Variants in GRIK1 observed in about 807,000 individuals in gnomAD.
GRIK1 encodes the protein glutamate receptor ionotropic, kainate 1.
Under a neutral mutation model 105.7 loss-of-function variants are expected in GRIK1, and 69 were observed. The observed-to-expected ratio is 0.65, with a 90% CI of 0.54 to 0.80. GRIK1 has a LOEUF of 0.80. Among genes scored for constraint, GRIK1 ranks in the 30% least tolerant of loss-of-function variants. The pLI is 0.00. For synonymous variants in GRIK1, 438 were observed against 431.3 expected (o/e 1.02, Z -0.19); for missense variants, 1,109 against 1,167.3 (o/e 0.95, Z 0.73).
chr21:29,596,151 G>A (rs1221230211), intron 9 of GRIK1: 1 of 359,830 alleles, frequency 2.8e-6, no homozygotes, highest in Non-Finnish European at 5.4e-6. Flanking sequence ...CAAATCTATT[G>A]TGATTTTTAT....
chr21:29,754,198 A>C (rs946350657), intron 1 of GRIK1, among the ~76,000 whole-genome samples: 2 of 152,232 alleles, frequency 1.3e-5, no homozygotes, highest in Admixed American at 6.5e-5. Flanking sequence ...AAATGCAGTT[A>C]GTGAACTTGG....
At chr21:29,560,727 G>A (rs1286885339) in intron 15 of GRIK1, among the ~76,000 whole-genome samples, 2 of 150,934 alleles carry the variant, frequency 1.3e-5, no homozygotes, top group Non-Finnish European at 2.9e-5. Context: ...TCAGCCTCCT[G>A]AGTAGCTGGG....
intron 1 of GRIK1, among the ~76,000 whole-genome samples, chr21:29,934,758 A>G (rs746804601): frequency 2.6e-5 from 4 of 152,208 alleles, no homozygotes; most frequent in African/African-American, 4.8e-5. Flanking sequence ...CACTATCTCA[A>G]TGAAAACCAG....
intron 1 of GRIK1, among the ~76,000 whole-genome samples, chr21:29,784,364 A>G (rs1030958076): frequency 1.2e-4 from 18 of 152,312 alleles, no homozygotes; most frequent in African/African-American, 4.3e-4. Context: ...TGGTTTTCTG[A>G]CAGATAATAA....
rs897364466 is a variant in GRIK1, at chr21:29,746,741, G to A, written c.119-52678C>T. 3.3e-5 allele frequency among the ~76,000 whole-genome samples: 5 copies of A among 152,182 alleles called. No homozygotes were observed. The East Asian group carries it at 5.8e-4, about 18-fold the overall frequency. Reference sequence around the variant, plus strand: ...GTTTAGAGAGGACATTAAAAGAGATGACACACAAATATAAACCAGAGAATT... The same window carrying A: ...GTTTAGAGAGGACATTAAAAGAGATAACACACAAATATAAACCAGAGAATT... On this transcript the variant is annotated intron_variant, in intron 1 of 17. Transcript: ENST00000327783.
chr21:29,716,351 A>G (rs763752701), intron 1 of GRIK1, among the ~76,000 whole-genome samples: 7 of 152,214 alleles, frequency 4.6e-5, no homozygotes, highest in Non-Finnish European at 7.3e-5. Flanking sequence ...TAACAGGCAG[A>G]GAATGGAACA....
At chr21:29,883,679 G>A (rs182259623) in intron 1 of GRIK1, among the ~76,000 whole-genome samples, 1 of 152,156 alleles carries the variant, frequency 6.6e-6, no homozygotes, top group African/African-American at 2.4e-5. Flanking sequence ...CTATAATCCT[G>A]TGACATTCTG....
At chr21:29,744,402 G>A (rs2065001684) in intron 1 of GRIK1, among the ~76,000 whole-genome samples, 1 of 152,174 alleles carries the variant, frequency 6.6e-6, no homozygotes, top group African/African-American at 2.4e-5. Context: ...TGTACCATGT[G>A]TCCTTGTGGT....
intron 1 of GRIK1, among the ~76,000 whole-genome samples, chr21:29,829,553 T>TTCTA (rs1251439060): frequency 1.3e-5 from 2 of 152,166 alleles, no homozygotes; most frequent in Non-Finnish European, 2.9e-5. Flanking sequence ...CTACATATTT[T>TTCTA]TCTATCTGTG....
At chr21:29,754,922 AG>A (rs1033637706) in intron 1 of GRIK1, among the ~76,000 whole-genome samples, 2 of 152,136 alleles carry the variant, frequency 1.3e-5, no homozygotes, top group Non-Finnish European at 2.9e-5. Context: ...ACAGTCATGT[AG>A]GCCAATTCTT....
intron 1 of GRIK1, among the ~76,000 whole-genome samples, chr21:29,925,668 T>C (rs1397896904): frequency 1.3e-5 from 2 of 152,224 alleles, no homozygotes; most frequent in African/African-American, 4.8e-5. Flanking sequence ...AAACTTAGCA[T>C]ACTCTCCAGG....
intron 7 of GRIK1, among the ~76,000 whole-genome samples, chr21:29,626,486 G>C (rs2062134255): frequency 6.6e-6 from 1 of 152,174 alleles, no homozygotes; most frequent in Admixed American, 6.5e-5. Context: ...GAAAACACCA[G>C]GGGAGGACAC....
intron 16 of GRIK1, among the ~76,000 whole-genome samples, chr21:29,543,579 T>C (rs1406196361): frequency 6.6e-6 from 1 of 152,154 alleles, no homozygotes; most frequent in East Asian, 1.9e-4. Context: ...ATGGGCCATC[T>C]TTTATGCACC....
intron 1 of GRIK1, among the ~76,000 whole-genome samples, chr21:29,717,883 G>A (rs928221514): frequency 5.9e-5 from 9 of 152,134 alleles, no homozygotes; most frequent in South Asian, 2.1e-4. Flanking sequence ...ATCTCATCTC[G>A]AATTTTAGTT....
chr21:29,573,853 G>GAA (rs35503363), intron 14 of GRIK1, among the ~76,000 whole-genome samples: 54 of 114,114 alleles, frequency 4.7e-4, no homozygotes, highest in Middle Eastern at 5.3e-3. Flanking sequence ...ACTCCGTCTG[G>GAA]AAAAAAAAAA....
At position 29,591,144 on chromosome 21, in the gene GRIK1, C is replaced by G; in HGVS notation, c.1333G>C (p.Ala445Pro). The part of the protein sequence containing the change: ...DKSSNITDSL[A>P]NRTLIVTTIL... ...GTGGTGACAATGAGTGTTCTGTTGGCCAATGAATCAGTGATATTGCTGGAC... is the reference window on the plus strand; with the variant it reads ...GTGGTGACAATGAGTGTTCTGTTGGGCAATGAATCAGTGATATTGCTGGAC... The change falls in exon 10 of 18, where the codon GCC becomes CCC. Residue 445 changes from alanine (A) to proline (P), a missense_variant. Transcript: ENST00000327783. The G allele has an allele frequency of 6.2e-7, 1 of 1,605,366 alleles. No homozygotes were observed. The highest frequency in any genetic ancestry group is 1.1e-5 in the South Asian group (1 of 90,892).
At chr21:29,762,673 A>G (rs764059797) in intron 1 of GRIK1, among the ~76,000 whole-genome samples, 12 of 152,210 alleles carry the variant, frequency 7.9e-5, no homozygotes, top group Non-Finnish European at 1.0e-4. Context: ...TGCATTAAGA[A>G]TTCTAGAGCT....
intron 7 of GRIK1, among the ~76,000 whole-genome samples, chr21:29,617,487 C>T (rs752068792): frequency 5.9e-5 from 9 of 152,200 alleles, no homozygotes; most frequent in Non-Finnish European, 1.0e-4. Flanking sequence ...AAGTGATGCT[C>T]TTAAAAGATG....
intron 1 of GRIK1, among the ~76,000 whole-genome samples, chr21:29,794,633 T>G (rs1224996642): frequency 6.6e-6 from 1 of 152,184 alleles, no homozygotes; most frequent in Non-Finnish European, 1.5e-5. Flanking sequence ...TTGCATATAT[T>G]ATGTGTTAGA....
Sources: allele counts gnomAD v4.1 joint callset (sites outside exome capture counted in the v4.1 genomes callset), GRCh38; gene constraint gnomAD v4.1.1; transcripts MANE v1.5; gene names NCBI Gene and HGNC (gene_info 2026-07-23, HGNC 2026-07-21).